Variants in PRUNE2 observed in about 807,000 individuals in gnomAD.
PRUNE2 encodes the protein prune homolog 2 with BCH domain.
PRUNE2 carries 164 observed loss-of-function variants against 252.0 expected under a neutral mutation model. The ratio of observed to expected loss-of-function variants is 0.65; its 90% CI spans 0.57 to 0.74. PRUNE2 has a LOEUF of 0.74. Ranked by LOEUF, PRUNE2 falls within the 30% of genes least tolerant of loss-of-function variation. The pLI is 0.00. For synonymous variants in PRUNE2, 1,292 were observed against 1,350.2 expected (o/e 0.96, Z 0.94); for missense variants, 3,495 against 3,711.0 (o/e 0.94, Z 1.51).
At chr9:76,833,365 T>C (rs973139459) in intron 4 of PRUNE2, among the ~76,000 whole-genome samples, 1 of 152,330 alleles carries the variant, frequency 6.6e-6, no homozygotes, top group South Asian at 2.1e-4. Context: ...TAGACAGATA[T>C]CAAGTAGTAA....
In PRUNE2 at chr9:76,682,669, C is replaced by T. The variant is rs150704420; in HGVS notation, c.8276+20668G>A. On this transcript the variant is annotated intron_variant, in intron 9 of 18. Coordinates refer to ENST00000376718, the MANE Select transcript of PRUNE2 (RefSeq NM_015225.3). ...TGGGCGTGAGCCACTGTGCCCAGCC[C>T]CACTATTAATTTTTTATTTTATTTA... Among the ~76,000 whole-genome samples, 50 of 152,032 alleles carry T rather than the reference C, an allele frequency of 3.3e-4. 1 individual carries two copies. Among genetic ancestry groups the T allele is most frequent in the African/African-American group, 1.2e-3 (48 of 41,482 alleles).
intron 9 of PRUNE2, among the ~76,000 whole-genome samples, chr9:76,702,956 G>T (rs1374254295): frequency 6.6e-6 from 1 of 152,038 alleles, no homozygotes; most frequent in Non-Finnish European, 1.5e-5. Flanking sequence ...CCCCCCACTG[G>T]CATGTTAGGA....
rs565636741 is a variant in PRUNE2 at position 76,733,837 on chromosome 9, A to G, written c.757-20116T>C. On this transcript the variant is annotated intron_variant, in intron 6 of 18. Coordinates refer to ENST00000376718, the MANE Select transcript of PRUNE2 (RefSeq NM_015225.3). ...AGAACAGGAAAATATAATAACTGTC[A>G]TTTTACTCTTAGGGTTTTTCCTGCT... is the stretch of plus-strand genomic sequence containing the variant. 5 of 152,142 alleles carry G rather than the reference A, an allele frequency of 3.3e-5. No individual in the cohort carries two copies. The South Asian group carries it at 6.2e-4, about 19-fold the overall frequency. The allele number at this position is 152,142 out of a possible 1,614,324, so 9.4% of individuals were successfully genotyped here. A position where few individuals can be genotyped will look rare whatever the true frequency, so the allele number is the denominator to read the frequency against.
At chr9:76,759,567 A>C (rs1470418924) in intron 6 of PRUNE2, 1 of 152,188 alleles carries the variant, frequency 6.6e-6, no homozygotes, top group Non-Finnish European at 1.5e-5. Flanking sequence ...TTTGGAGAGG[A>C]GAGTGGCTGA....
Position 76,710,481 on chromosome 9 carries a change from G to C in PRUNE2, c.1793C>G (p.Pro598Arg). ...CTTTCCAGTATTTTTTAGCCTTTCTGGGGAAGGGGATTCATCTCCCACAAA... is the reference window on the plus strand; with the variant it reads ...CTTTCCAGTATTTTTTAGCCTTTCTCGGGAAGGGGATTCATCTCCCACAAA... ...TDFVGDESPS[P>R]ERLKNTGKRI... The change falls in exon 8 of 19, where the codon CCA becomes CGA. Residue 598 changes from proline to arginine, a missense_variant. Coordinates refer to ENST00000376718, the MANE Select transcript of PRUNE2 (RefSeq NM_015225.3). 1 of 1,613,940 alleles carries C rather than the reference G, an allele frequency of 6.2e-7. No individual in the cohort carries two copies. Among genetic ancestry groups the C allele is most frequent in the Non-Finnish European group, 8.5e-7 (1 of 1,179,890 alleles).
intron 18 of PRUNE2, among the ~76,000 whole-genome samples, chr9:76,615,634 T>C (rs186507810): frequency 3.9e-5 from 6 of 152,308 alleles, no homozygotes; most frequent in African/African-American, 1.4e-4. Flanking sequence ...GGAACGGTCA[T>C]ACCGCTTTCA....
chr9:76,730,337 C>T (rs1005212472), intron 6 of PRUNE2, among the ~76,000 whole-genome samples: 3 of 152,182 alleles, frequency 2.0e-5, no homozygotes, highest in Non-Finnish European at 4.4e-5. Context: ...CTGTGCAGCC[C>T]TACCTCCTCA....
At chr9:76,766,600 C>T (rs898683977) in intron 6 of PRUNE2, among the ~76,000 whole-genome samples, 6 of 152,144 alleles carry the variant, frequency 3.9e-5, no homozygotes, top group Non-Finnish European at 7.3e-5. Flanking sequence ...TGCTTTCCTT[C>T]CATGTTTTGG....
At chr9:76,837,701 T>A (rs1325071721) in intron 4 of PRUNE2, among the ~76,000 whole-genome samples, 2 of 151,870 alleles carry the variant, frequency 1.3e-5, no homozygotes, top group Non-Finnish European at 2.9e-5. Flanking sequence ...GTAAAAATGA[T>A]TATAATTAAT....
At chr9:76,835,842 G>A (rs2058931482) in intron 4 of PRUNE2, among the ~76,000 whole-genome samples, 1 of 152,170 alleles carries the variant, frequency 6.6e-6, no homozygotes, top group Non-Finnish European at 1.5e-5. Flanking sequence ...AAAATAGCAA[G>A]CAACTATTCT....
intron 4 of PRUNE2, among the ~76,000 whole-genome samples, chr9:76,842,387 A>G (rs2059439135): frequency 6.6e-6 from 1 of 152,242 alleles, no homozygotes; most frequent in Non-Finnish European, 1.5e-5. Flanking sequence ...TAATAACCCT[A>G]GAAGAAAACC....
intron 6 of PRUNE2, among the ~76,000 whole-genome samples, chr9:76,761,085 CAA>C (rs34127776): frequency 1.8e-4 from 17 of 93,634 alleles, no homozygotes; most frequent in Admixed American, 5.1e-4. Context: ...GACTCTGTCT[CAA>C]AAAAAAAAAA....
At chr9:76,745,333 T>A (rs1379951201) in intron 6 of PRUNE2, among the ~76,000 whole-genome samples, 1 of 152,170 alleles carries the variant, frequency 6.6e-6, no homozygotes, top group East Asian at 1.9e-4. Flanking sequence ...TGCTGAGGTG[T>A]AGACATAAAC....
intron 6 of PRUNE2, among the ~76,000 whole-genome samples, chr9:76,720,947 A>C (rs929656585): frequency 6.6e-6 from 1 of 152,124 alleles, no homozygotes; most frequent in Non-Finnish European, 1.5e-5. Context: ...TAAAAATACA[A>C]AAAATTAGCC....
At chr9:76,796,889 C>G (rs1301470754) in intron 6 of PRUNE2, among the ~76,000 whole-genome samples, 10 of 152,156 alleles carry the variant, frequency 6.6e-5, no homozygotes, top group Non-Finnish European at 1.3e-4. Context: ...AGGATGCAAA[C>G]TGAAACATTC....
intron 17 of PRUNE2, among the ~76,000 whole-genome samples, chr9:76,620,846 C>G (rs1193530043): frequency 1.3e-5 from 2 of 152,166 alleles, no homozygotes; most frequent in Non-Finnish European, 2.9e-5. Context: ...CCAAGGAAAA[C>G]AGCAATTTGC....
intron 1 of PRUNE2, among the ~76,000 whole-genome samples, chr9:76,894,803 T>C (rs1179213308): frequency 6.6e-6 from 1 of 150,788 alleles, no homozygotes; most frequent in African/African-American, 2.5e-5. Context: ...GTGGATCACC[T>C]GAGGTCAGGA....
At chr9:76,869,511 T>TA (rs1393139705) in intron 1 of PRUNE2, among the ~76,000 whole-genome samples, 13 of 152,308 alleles carry the variant, frequency 8.5e-5, no homozygotes, top group Admixed American at 5.2e-4. Flanking sequence ...AAAACCCTTT[T>TA]AAAACTAAAC....
rs567816271 is a variant in PRUNE2, at chr9:76,709,890, G to C, written c.2384C>G (p.Ala795Gly). The C allele has an allele frequency of 1.9e-6, 3 of 1,613,658 alleles. No individual in the cohort carries two copies. Among genetic ancestry groups the C allele is most frequent in the Non-Finnish European group, 2.5e-6 (3 of 1,179,850 alleles). The change falls in exon 8 of 19, where the codon GCG (alanine) becomes GGG (glycine). Residue 795 changes from alanine to glycine, a missense_variant. Ala to Gly is a moderately conservative substitution (Grantham distance 60, BLOSUM62 0). Coordinates refer to ENST00000376718, the MANE Select transcript of PRUNE2 (RefSeq NM_015225.3). ...PTDDGEPAAV[A>G]PFPAWSAFGK... ...AAATGCACTCCAGGCTGGGAATGGC[G>C]CCACAGCTGCTGGTTCACCATCATC... is the stretch of plus-strand genomic sequence containing the variant.
Sources: allele counts gnomAD v4.1 joint callset (sites outside exome capture counted in the v4.1 genomes callset), GRCh38; gene constraint gnomAD v4.1.1; transcripts MANE v1.5; gene names NCBI Gene and HGNC (gene_info 2026-07-23, HGNC 2026-07-21).